SEPTIN7: variants seen among roughly 807,000 people sequenced by gnomAD.
The protein encoded by SEPTIN7 is septin-7.
In SEPTIN7, 10 loss-of-function variants were observed where a neutral mutation model predicts 63.3. That is an observed-to-expected ratio of 0.16 (90% CI 0.10 to 0.27). The LOEUF (loss-of-function observed/expected upper bound fraction) is 0.27, where lower values mean the gene tolerates loss of function less well. Among genes scored for constraint, SEPTIN7 ranks in the 10% least tolerant of loss-of-function variants. The pLI is 1.00. For missense variants in SEPTIN7, 310 were observed against 521.0 expected (o/e 0.59, Z 3.94); for synonymous variants, 131 against 165.3 (o/e 0.79, Z 1.59).
At chr7:35,811,739 T>C (rs1307830927) in intron 1 of SEPTIN7, among the ~76,000 whole-genome samples, 1 of 151,828 alleles carries the variant, frequency 6.6e-6, no homozygotes, top group Non-Finnish European at 1.5e-5. Context: ...ATACAAAAAT[T>C]AAGGCTGGGC....
chr7:35,866,105 CA>C (rs1287987291), intron 4 of SEPTIN7, among the ~76,000 whole-genome samples: 2 of 152,104 alleles, frequency 1.3e-5, no homozygotes, highest in East Asian at 1.9e-4. Context: ...ATTTGAGAAC[CA>C]GATTGATCCT....
chr7:35,866,668 A>G (rs1785821414), intron 4 of SEPTIN7, among the ~76,000 whole-genome samples: 1 of 152,204 alleles, frequency 6.6e-6, no homozygotes, highest in Non-Finnish European at 1.5e-5. Flanking sequence ...CAGAGAGCTG[A>G]TTTTTAGCCT....
chr7:35,842,285 C>T (rs1383357758), intron 3 of SEPTIN7, among the ~76,000 whole-genome samples: 2 of 151,454 alleles, frequency 1.3e-5, no homozygotes, highest in African/African-American at 4.9e-5. Context: ...ACCTGTCTCC[C>T]ATGAAAGACC....
intron 6 of SEPTIN7, among the ~76,000 whole-genome samples, chr7:35,878,277 G>A (rs1274074819): frequency 2.6e-5 from 4 of 152,024 alleles, no homozygotes; most frequent in Non-Finnish European, 5.9e-5. Context: ...AGGCCAAGGA[G>A]AAGGAGGATG....
intron 1 of SEPTIN7, among the ~76,000 whole-genome samples, chr7:35,828,702 C>T (rs1783648045): frequency 1.3e-5 from 2 of 152,112 alleles, no homozygotes; most frequent in African/African-American, 4.8e-5. Context: ...TATAGTCTGT[C>T]TTTGGGAATC....
At chr7:35,810,559 A>C (rs966983938) in intron 1 of SEPTIN7, among the ~76,000 whole-genome samples, 3 of 151,978 alleles carry the variant, frequency 2.0e-5, no homozygotes, top group Non-Finnish European at 2.9e-5. Flanking sequence ...TCCTGACCTC[A>C]TGATCCGCCC....
intron 1 of SEPTIN7, among the ~76,000 whole-genome samples, chr7:35,820,705 T>C (rs1169717643): frequency 6.6e-6 from 1 of 152,198 alleles, no homozygotes; most frequent in Admixed American, 6.5e-5. Context: ...GTCTGGGCTT[T>C]CTCAGGGACT....
At chr7:35,862,537 T>C (rs1322963806) in intron 3 of SEPTIN7, among the ~76,000 whole-genome samples, 1 of 152,140 alleles carries the variant, frequency 6.6e-6, no homozygotes, top group Non-Finnish European at 1.5e-5. Context: ...GGCCAACCCA[T>C]GTTACTTTCC....
intron 11 of SEPTIN7, among the ~76,000 whole-genome samples, chr7:35,896,165 A>G (rs757145259): frequency 1.3e-5 from 2 of 152,134 alleles, no homozygotes; most frequent in African/African-American, 4.8e-5. Context: ...TTTCCCCCCT[A>G]GAGTTATTTA....
At chr7:35,801,731 G>A (rs1228906828) in intron 1 of SEPTIN7, among the ~76,000 whole-genome samples, 1 of 152,100 alleles carries the variant, frequency 6.6e-6, no homozygotes, top group Admixed American at 6.5e-5. Context: ...GGCTAGGAGG[G>A]TGGGGACGAG....
At chr7:35,842,957 T>C (rs1245534612) in intron 3 of SEPTIN7, among the ~76,000 whole-genome samples, 2 of 152,158 alleles carry the variant, frequency 1.3e-5, no homozygotes, top group Non-Finnish European at 1.5e-5. Context: ...TGTGTATGTA[T>C]GTATTGAAAA....
intron 3 of SEPTIN7, among the ~76,000 whole-genome samples, chr7:35,845,076 AAAAAT>A (rs961889652): frequency 6.6e-6 from 1 of 152,100 alleles, no homozygotes; most frequent in Non-Finnish European, 1.5e-5. Flanking sequence ...TATAAAAAAT[AAAAAT>A]AAAAGAGCTG....
chr7:35,864,446 C>T (rs1173038438), intron 4 of SEPTIN7, among the ~76,000 whole-genome samples: 1 of 152,076 alleles, frequency 6.6e-6, no homozygotes, highest in Non-Finnish European at 1.5e-5. Context: ...AATAGTACAG[C>T]AGCCTGTAGC....
intron 12 of SEPTIN7, 173 bp from the exon 13 acceptor site, chr7:35,902,903 G>T (rs1477697938): frequency 8.2e-6 from 8 of 977,806 alleles, no homozygotes; most frequent in Non-Finnish European, 1.1e-5. Flanking sequence ...TGGGTGGCAG[G>T]TCCTAAAGGA....
At chr7:35,894,827 A>G (rs770076020) in intron 11 of SEPTIN7, among the ~76,000 whole-genome samples, 2 of 152,172 alleles carry the variant, frequency 1.3e-5, no homozygotes, top group Non-Finnish European at 2.9e-5. Context: ...CTTTTATTAT[A>G]CTCCAAATGT....
At chr7:35,842,197 T>C (rs530246634) in intron 3 of SEPTIN7, among the ~76,000 whole-genome samples, 1 of 152,274 alleles carries the variant, frequency 6.6e-6, no homozygotes, top group East Asian at 1.9e-4. Context: ...TGAAAGATAG[T>C]TTTATGCCAG....
intron 9 of SEPTIN7, 136 bp from the exon 10 acceptor site, chr7:35,885,692 G>C: frequency 1.4e-6 from 1 of 690,644 alleles, no homozygotes; most frequent in Non-Finnish European, 2.6e-6. Flanking sequence ...TACTATGTTA[G>C]TGTTAAATCT....
At chr7:35,896,247 A>G (rs377353385) in intron 11 of SEPTIN7, among the ~76,000 whole-genome samples, 9 of 152,248 alleles carry the variant, frequency 5.9e-5, no homozygotes, top group Non-Finnish European at 1.3e-4. Context: ...GATGAGTTGT[A>G]TAAGTAGGAA....
chr7:35,804,746 A>G (rs941300127), intron 1 of SEPTIN7, among the ~76,000 whole-genome samples: 1 of 150,318 alleles, frequency 6.7e-6, no homozygotes, highest in Admixed American at 6.6e-5. Context: ...GCTATATCCT[A>G]TTGCTTCTAG....
Sources: allele counts gnomAD v4.1 joint callset (sites outside exome capture counted in the v4.1 genomes callset), GRCh38; gene constraint gnomAD v4.1.1; transcripts MANE v1.5; gene names NCBI Gene and HGNC (gene_info 2026-07-23, HGNC 2026-07-21).